The following KIRREL3 variants were observed in gnomAD, a reference collection of about 807,000 sequenced individuals.
KIRREL3 encodes kirre like nephrin family adhesion molecule 3, also known as kin of IRRE-like protein 3.
A neutral mutation model predicts 89.7 loss-of-function variants in KIRREL3; 36 were observed. That is an observed-to-expected ratio of 0.40 (90% CI 0.31 to 0.53). KIRREL3 has a LOEUF of 0.53. Ranked by LOEUF, KIRREL3 falls within the 20% of genes least tolerant of loss-of-function variation. KIRREL3 has a pLI of 0.49. For missense variants in KIRREL3, 864 were observed against 1,056.6 expected (o/e 0.82, Z 2.53); for synonymous variants, 445 against 441.4 (o/e 1.01, Z -0.10).
At chr11:126,820,274 C>T (rs1197733708) in intron 1 of KIRREL3, among the ~76,000 whole-genome samples, 1 of 151,576 alleles carries the variant, frequency 6.6e-6, no homozygotes, top group Non-Finnish European at 1.5e-5. Context: ...GCGAGGCCTG[C>T]TCCTGAACTT....
chr11:126,529,076 G>A (rs539252275), intron 2 of KIRREL3, among the ~76,000 whole-genome samples: 4 of 152,152 alleles, frequency 2.6e-5, no homozygotes, highest in Non-Finnish European at 5.9e-5. Flanking sequence ...CAGTGCCCGA[G>A]CCCTCTGAGA....
rs1213645014 is a variant in KIRREL3 at position 126,525,494 on chromosome 11, T to C, written c.283+1044A>G. ...TGCCTGCTATTGACCATTGCTATAA[T>C]GTTTCAATATACATTTTTGGCAAGA... On this transcript the variant is annotated intron_variant, in intron 3 of 16. Coordinates refer to ENST00000525144, the MANE Select transcript of KIRREL3 (RefSeq NM_032531.4). The surrounding 1 kb of genome is among the most constrained non-coding windows in gnomAD (Gnocchi z 5.4). Among the ~76,000 whole-genome samples the C allele has an allele frequency of 1.3e-5, 2 of 152,244 alleles. No homozygotes were observed. The highest frequency in any genetic ancestry group is 2.9e-5 in the Non-Finnish European group (2 of 68,044).
chr11:126,485,479 T>C lies in KIRREL3; in HGVS notation c.434-12013A>G, dbSNP rs369818633. ...CCGTCATTCACTGGCCACGTGACCATGTGCAAATTCTCTGTGCTGGATGAT... is the reference window on the plus strand; with the variant it reads ...CCGTCATTCACTGGCCACGTGACCACGTGCAAATTCTCTGTGCTGGATGAT... On this transcript the variant is annotated intron_variant, in intron 4 of 16. Transcript: ENST00000525144. This position sits in a 1 kb window ranked among gnomAD's most constrained non-coding sequence, Gnocchi z 5.8. Among the ~76,000 whole-genome samples the C allele has an allele frequency of 2.6e-5, 4 of 152,332 alleles. No individual in the cohort carries two copies. Among genetic ancestry groups the C allele is most frequent in the African/African-American group, 7.2e-5 (3 of 41,586 alleles).
At chr11:126,831,544 C>G (rs1943608719) in intron 1 of KIRREL3, among the ~76,000 whole-genome samples, 2 of 151,968 alleles carry the variant, frequency 1.3e-5, no homozygotes, top group Non-Finnish European at 1.5e-5. Context: ...TTTCTTCAAG[C>G]AAATAGGTAC....
At chr11:126,482,344 C>CTTTCAAG (rs1957244296) in intron 4 of KIRREL3, among the ~76,000 whole-genome samples, 1 of 152,224 alleles carries the variant, frequency 6.6e-6, no homozygotes, top group Non-Finnish European at 1.5e-5. Context: ...GGGCCTGCCC[C>CTTTCAAG]TTTCCTTTTG....
Position 126,682,307 on chromosome 11 carries a change from G to A in KIRREL3, c.56-119395C>T, listed in dbSNP as rs1946493726. Among the ~76,000 whole-genome samples the A allele has an allele frequency of 6.6e-6, 1 of 152,114 alleles. No homozygotes were observed. Among genetic ancestry groups the A allele is most frequent in the African/African-American group, 2.4e-5 (1 of 41,414 alleles). On this transcript the variant is annotated intron_variant, in intron 1 of 16. Coordinates refer to ENST00000525144, the MANE Select transcript of KIRREL3 (RefSeq NM_032531.4). The surrounding 1 kb of genome is among the most constrained non-coding windows in gnomAD (Gnocchi z 4.8). ...CCCTCTCTTCCTTCTAGGTTAGAGT[G>A]GGTGACACTGAGCATGTAACTTAAC...
chr11:126,935,048 C>G (rs1170243388), intron 1 of KIRREL3: 1 of 73,994 alleles, frequency 1.4e-5, no homozygotes. Context: ...AGCAAGACTC[C>G]GTCTTAAAAA....
rs115721874 is a variant in KIRREL3 at position 126,873,824 on chromosome 11, G to A, written c.55+126631C>T. Among the ~76,000 whole-genome samples, 872 of 152,288 alleles carry A rather than the reference G, an allele frequency of 5.7e-3. 12 individuals are homozygous for A. Among genetic ancestry groups the A allele is most frequent in the African/African-American group, 0.019 (806 of 41,548 alleles). ...CAAAAATGCTTTTTCAGGCAAAGAA[G>A]CAGTAACTGCCTACCTCGTGTACAA... On this transcript the variant is annotated intron_variant, in intron 1 of 16. Transcript: ENST00000525144.
At chr11:126,759,404 A>C (rs1454606469) in intron 1 of KIRREL3, among the ~76,000 whole-genome samples, 1 of 152,248 alleles carries the variant, frequency 6.6e-6, no homozygotes, top group Non-Finnish European at 1.5e-5. Flanking sequence ...CTGGGATTAC[A>C]GGCATAAGCC....
rs956135523 is a variant in KIRREL3 at position 126,680,397 on chromosome 11, G to T, written c.56-117485C>A. Among the ~76,000 whole-genome samples, 7 of 144,122 alleles carry T rather than the reference G, an allele frequency of 4.9e-5. No individual in the cohort carries two copies. The South Asian group carries it at 1.1e-3, about 22-fold the overall frequency. The allele number at this position is 144,122 out of a possible 152,430, so 94.5% of individuals were successfully genotyped here. On this transcript the variant is annotated intron_variant, in intron 1 of 16. Coordinates refer to ENST00000525144, the MANE Select transcript of KIRREL3 (RefSeq NM_032531.4). ...AATGCTCATCAACTCTTCTACTGGAGATATATATATATATATATACACATA... is the reference window on the plus strand; with the variant it reads ...AATGCTCATCAACTCTTCTACTGGATATATATATATATATATATACACATA...
intron 16 of KIRREL3, 28 bp from the exon 17 acceptor site, chr11:126,425,051 C>T (rs1954887979): frequency 1.3e-5 from 20 of 1,486,690 alleles, no homozygotes; most frequent in Non-Finnish European, 1.8e-5. Context: ...AGAGGAGCGT[C>T]ACCTGGTGGA....
In KIRREL3 at chr11:126,723,015, G is replaced by A. The variant is rs1948238066; in HGVS notation, c.56-160103C>T. ...TCCTTTGTCTCCCACGGTGGAATTGGCCTTTCTTCATCTATTCCTCTTACA... is the reference window on the plus strand; with the variant it reads ...TCCTTTGTCTCCCACGGTGGAATTGACCTTTCTTCATCTATTCCTCTTACA... On this transcript the variant is annotated intron_variant, in intron 1 of 16. Transcript: ENST00000525144. This position sits in a 1 kb window ranked among gnomAD's most constrained non-coding sequence, Gnocchi z 4.0. Among the ~76,000 whole-genome samples the A allele has an allele frequency of 6.6e-6, 1 of 152,128 alleles. No homozygotes were observed. The highest frequency in any genetic ancestry group is 6.6e-5 in the Admixed American group (1 of 15,252).
chr11:126,889,385 A>T (rs927670426), intron 1 of KIRREL3, among the ~76,000 whole-genome samples: 6 of 152,242 alleles, frequency 3.9e-5, no homozygotes, highest in Non-Finnish European at 8.8e-5. Context: ...CGTCATCATT[A>T]CTGCGTGATC....
chr11:126,792,047 G>A (rs904039165), intron 1 of KIRREL3, among the ~76,000 whole-genome samples: 3 of 152,266 alleles, frequency 2.0e-5, no homozygotes, highest in Non-Finnish European at 2.9e-5. Flanking sequence ...TCCCTTTTGG[G>A]GGAGACTTGC....
At chr11:126,823,484 A>G (rs1943295230) in intron 1 of KIRREL3, among the ~76,000 whole-genome samples, 1 of 152,086 alleles carries the variant, frequency 6.6e-6, no homozygotes, top group Non-Finnish European at 1.5e-5. Flanking sequence ...GGCACTTTGA[A>G]TCCTGGTCAG....
Position 126,620,007 on chromosome 11 carries a change from G to A in KIRREL3, c.56-57095C>T, listed in dbSNP as rs1943513702. 7.2e-5 allele frequency among the ~76,000 whole-genome samples: 11 copies of A among 152,004 alleles called. No individual in the cohort carries two copies. The South Asian group carries it at 2.1e-3, about 29-fold the overall frequency. ...TTAAAAATCCCATCCTAAGTTTCTCGGGGAGGCAGATTTAAGGTTTCCTCT... is the reference window on the plus strand; with the variant it reads ...TTAAAAATCCCATCCTAAGTTTCTCAGGGAGGCAGATTTAAGGTTTCCTCT... On this transcript the variant is annotated intron_variant, in intron 1 of 16. Coordinates refer to ENST00000525144, the MANE Select transcript of KIRREL3 (RefSeq NM_032531.4). The surrounding 1 kb of genome is among the most constrained non-coding windows in gnomAD (Gnocchi z 4.8).
At chr11:126,871,066 G>A (rs995034271) in intron 1 of KIRREL3, among the ~76,000 whole-genome samples, 2 of 152,206 alleles carry the variant, frequency 1.3e-5, no homozygotes, top group Admixed American at 6.5e-5. Context: ...CTCTTTTGAT[G>A]AAAGGAGCAG....
intron 1 of KIRREL3, among the ~76,000 whole-genome samples, chr11:126,716,126 G>A (rs751893285): frequency 6.6e-6 from 1 of 151,886 alleles, no homozygotes; most frequent in Non-Finnish European, 1.5e-5. Context: ...GGAGACAGGA[G>A]GGGAGAAGGA....
chr11:126,808,043 A>G lies in KIRREL3; in HGVS notation c.55+192412T>C, dbSNP rs993308864. Among the ~76,000 whole-genome samples, 2 of 152,168 alleles carry G rather than the reference A, an allele frequency of 1.3e-5. No homozygotes were observed. The highest frequency in any genetic ancestry group is 2.9e-5 in the Non-Finnish European group (2 of 68,034). On this transcript the variant is annotated intron_variant, in intron 1 of 16. Coordinates refer to ENST00000525144, the MANE Select transcript of KIRREL3 (RefSeq NM_032531.4). The surrounding 1 kb of genome is among the most constrained non-coding windows in gnomAD (Gnocchi z 4.1). ...TGGGGAAAGAATGAATGTCTGAACT[A>G]GTGTGGATTAGGAGGAAGGTGAGCA... is the stretch of plus-strand genomic sequence containing the variant.
Sources: gnomAD v4.1 joint callset for allele counts (sites outside exome capture counted in the v4.1 genomes callset) on GRCh38, gnomAD v4.1.1 for gene constraint, Gnocchi (gnomAD v3.1) non-coding constraint, MANE v1.5 for transcripts, NCBI Gene and HGNC (gene_info 2026-07-23, HGNC 2026-07-21) for gene names.